Variants in BPTF observed in about 807,000 individuals in gnomAD.
BPTF encodes bromodomain PHD finger transcription factor.
BPTF carries 18 observed loss-of-function variants against 292.5 expected under a neutral mutation model. The ratio of observed to expected loss-of-function variants is 0.06; its 90% CI spans 0.04 to 0.09. The LOEUF (loss-of-function observed/expected upper bound fraction) is 0.09, where lower values mean the gene tolerates loss of function less well. Among genes scored for constraint, BPTF ranks in the 10% least tolerant of loss-of-function variants. BPTF has a pLI of 1.00. For synonymous variants in BPTF, 1,225 were observed against 1,251.9 expected (o/e 0.98, Z 0.45); for missense variants, 2,726 against 3,498.7 (o/e 0.78, Z 5.57).
intron 20 of BPTF, 81 bp from the exon 21 acceptor site, chr17:67,945,328 A>C: frequency 6.5e-7 from 1 of 1,535,996 alleles, no homozygotes; most frequent in Non-Finnish European, 8.7e-7. Flanking sequence ...TCTCAACTTC[A>C]GAAGATTTCC....
intron 4 of BPTF, 116 bp from the exon 5 acceptor site, chr17:67,891,728 T>TA (rs1384665931): frequency 1.5e-6 from 1 of 671,918 alleles, no homozygotes; most frequent in Non-Finnish European, 2.2e-6. Flanking sequence ...GGCCTTTTTT[T>TA]ATCTGTTTAC....
chr17:67,929,199 T>G (rs1435776326), intron 16 of BPTF, 137 bp from the exon 17 acceptor site: 2 of 1,427,418 alleles, frequency 1.4e-6, no homozygotes, highest in Admixed American at 2.9e-5. Context: ...TTTCACTGAT[T>G]TCAGTCCTCG....
At chr17:67,894,256 G>A in intron 7 of BPTF, 91 bp downstream of exon 7, 5 of 1,345,070 alleles carry the variant, frequency 3.7e-6, no homozygotes, top group Non-Finnish European at 5.1e-6. Flanking sequence ...ATATTTAAGA[G>A]GCCATATTGA....
chr17:67,886,247 A>G, intron 4 of BPTF: 1 of 1,614,024 alleles, frequency 6.2e-7, no homozygotes, highest in Non-Finnish European at 8.5e-7. Flanking sequence ...TGAATCTGCT[A>G]AGGCAGCTGA....
chr17:67,893,283 A>C lies in BPTF; in HGVS notation c.2056-87A>C, dbSNP rs977955135. Reference sequence around the variant, plus strand: ...TATCTTAACTTACTTTGAATGATTAATTTTAATTATTGAAAGACAGTTGAT... The same window carrying C: ...TATCTTAACTTACTTTGAATGATTACTTTTAATTATTGAAAGACAGTTGAT... On this transcript the variant is annotated intron_variant, in intron 5 of 27. Coordinates refer to ENST00000306378, the MANE Select transcript of BPTF (RefSeq NM_182641.4). 16 of 845,588 alleles carry C rather than the reference A, an allele frequency of 1.9e-5. No individual in the cohort carries two copies. In the African/African-American group the frequency reaches 2.6e-4, roughly 14 times the overall value. The allele number at this position is 845,588 out of a possible 1,614,324, so 52.4% of individuals were successfully genotyped here.
chr17:67,854,996 G>A lies in BPTF; in HGVS notation c.1436+234G>A, dbSNP rs551474262. On this transcript the variant is annotated intron_variant, in intron 2 of 27. Transcript: ENST00000306378. The surrounding 1 kb of genome is among the most constrained non-coding windows in gnomAD (Gnocchi z 5.6). ...CCATTGTTTTTTGATGCCTAGGCTA[G>A]GAAATAGAATGTTTCTAGTTGGGAC... Among the ~76,000 whole-genome samples, 6 of 152,296 alleles carry A rather than the reference G, an allele frequency of 3.9e-5. No homozygotes were observed. The South Asian group carries it at 1.2e-3, about 32-fold the overall frequency.
intron 7 of BPTF, 32 bp downstream of exon 7, chr17:67,894,197 G>A (rs376034250): frequency 6.3e-7 from 1 of 1,594,390 alleles, no homozygotes; most frequent in African/African-American, 1.3e-5. Context: ...TAAATGATGA[G>A]TATTGGACTC....
In BPTF at chr17:67,976,083, T is replaced by A. The variant is rs200065139; in HGVS notation, c.8726+125T>A. ...ACCTTAAATATCTTTAAAAAAAAAATAAATAAATCAAGACTCCAGGGTTAT... is the reference window on the plus strand; with the variant it reads ...ACCTTAAATATCTTTAAAAAAAAAAAAAATAAATCAAGACTCCAGGGTTAT... On this transcript the variant is annotated intron_variant, in intron 27 of 27. Transcript: ENST00000306378. 84 of 661,872 alleles carry A rather than the reference T, an allele frequency of 1.3e-4. No homozygotes were observed. In the African/African-American group the frequency reaches 1.5e-3, roughly 12 times the overall value. The allele number at this position is 661,872 out of a possible 1,614,324, so 41.0% of individuals were successfully genotyped here.
chr17:67,901,676 C>A (rs1338134173), intron 7 of BPTF, among the ~76,000 whole-genome samples: 1 of 152,194 alleles, frequency 6.6e-6, no homozygotes, highest in Non-Finnish European at 1.5e-5. Flanking sequence ...TTACTTCTCT[C>A]ATAATTAAAA....
At chr17:67,949,623 A>G (rs59023379) in intron 23 of BPTF, among the ~76,000 whole-genome samples, 2,757 of 144,606 alleles carry the variant, frequency 0.019, 94 homozygotes, top group African/African-American at 0.066. Flanking sequence ...ACACACACAC[A>G]TATATACACA....
intron 4 of BPTF, among the ~76,000 whole-genome samples, chr17:67,885,149 A>G (rs886702297): frequency 2.0e-5 from 3 of 152,226 alleles, no homozygotes; most frequent in Non-Finnish European, 4.4e-5. Flanking sequence ...GTATCTTGTC[A>G]GTGGCAAAAA....
intron 11 of BPTF, among the ~76,000 whole-genome samples, chr17:67,918,269 C>T (rs1030095837): frequency 2.6e-5 from 4 of 152,180 alleles, no homozygotes; most frequent in Admixed American, 1.3e-4. Context: ...TAAACATTTT[C>T]AGGTTTCTTG....
chr17:67,967,929 T>G (rs2068309532), intron 26 of BPTF, among the ~76,000 whole-genome samples: 1 of 151,402 alleles, frequency 6.6e-6, no homozygotes, highest in African/African-American at 2.5e-5. Flanking sequence ...TGAATGAAAT[T>G]AATGAATGGG....
chr17:67,826,332 C>G lies in BPTF; in HGVS notation c.608C>G (p.Thr203Ser). 1.2e-6 allele frequency: 2 copies of G among 1,607,864 alleles called. No homozygotes were observed. The highest frequency in any genetic ancestry group is 1.7e-6 in the Non-Finnish European group (2 of 1,176,944). ...SFRSHSTYSSTPGRRKPRVHR... is the reference protein window; with the variant it reads ...SFRSHSTYSSSPGRRKPRVHR... Reference sequence around the variant, plus strand: ...AGGAGCCATAGTACCTACAGCAGCACTCCAGGTACCCACCCAGCCCAGTTG... The same window carrying G: ...AGGAGCCATAGTACCTACAGCAGCAGTCCAGGTACCCACCCAGCCCAGTTG... Residue 203 changes from threonine to serine, a missense_variant, in exon 1 of 28, where the codon ACT becomes AGT. This residue lies in a region of BPTF where 153 missense variants were observed against 178.3 expected (regional missense o/e 0.86). Coordinates refer to ENST00000306378, the MANE Select transcript of BPTF (RefSeq NM_182641.4).
In BPTF at chr17:67,918,207, A is replaced by T. The variant is rs561964630; in HGVS notation, c.5304-507A>T. Among the ~76,000 whole-genome samples the T allele has an allele frequency of 2.0e-5, 3 of 152,332 alleles. No homozygotes were observed. In the East Asian group the frequency reaches 5.8e-4, roughly 29 times the overall value. ...CACCTCGGCCTCCCACAGTGCTGGG[A>T]TTACAGGCGTGAGCCACCGCATCTG... On this transcript the variant is annotated intron_variant, in intron 11 of 27. Transcript: ENST00000306378.
intron 7 of BPTF, among the ~76,000 whole-genome samples, chr17:67,895,162 C>T (rs779587422): frequency 2.6e-5 from 4 of 151,502 alleles, no homozygotes; most frequent in Non-Finnish European, 4.4e-5. Flanking sequence ...CTAGGGAGAC[C>T]GAGGTACTAA....
chr17:67,863,079 G>A (rs969372851), intron 2 of BPTF, among the ~76,000 whole-genome samples: 9 of 152,084 alleles, frequency 5.9e-5, no homozygotes, highest in African/African-American at 1.7e-4. Flanking sequence ...ACCACAAATG[G>A]GGTGGCTTGA....
At chr17:67,895,816 C>CA (rs1261493106) in intron 7 of BPTF, among the ~76,000 whole-genome samples, 1 of 152,070 alleles carries the variant, frequency 6.6e-6, no homozygotes, top group African/African-American at 2.4e-5. Flanking sequence ...TTGACAAAAA[C>CA]AAAGTTAAAA....
chr17:67,898,039 C>T (rs745622491), intron 7 of BPTF, among the ~76,000 whole-genome samples: 1 of 152,128 alleles, frequency 6.6e-6, no homozygotes, highest in African/African-American at 2.4e-5. Flanking sequence ...CACCAATCTC[C>T]AATACTAGGA....
Sources: gnomAD v4.1 joint callset for allele counts (sites outside exome capture counted in the v4.1 genomes callset) on GRCh38, gnomAD v4.1.1 for gene constraint, gnomAD v4.1.1 regional missense constraint, Gnocchi (gnomAD v3.1) non-coding constraint, MANE v1.5 for transcripts, NCBI Gene and HGNC (gene_info 2026-07-23, HGNC 2026-07-21) for gene names.